Variants in SYK observed in about 807,000 individuals in gnomAD.
SYK encodes the protein spleen associated tyrosine kinase.
SYK carries 16 observed loss-of-function variants against 77.8 expected under a neutral mutation model. That is an observed-to-expected ratio of 0.21 (90% CI 0.14 to 0.31). SYK has a LOEUF of 0.31. Ranked by LOEUF, SYK falls within the 10% of genes least tolerant of loss-of-function variation. The probability of loss-of-function intolerance (pLI) is 1.00; values close to 1 mark genes in which losing one functional copy is unlikely to be tolerated. For missense variants in SYK, 529 were observed against 814.4 expected (o/e 0.65, Z 4.26); for synonymous variants, 312 against 308.7 (o/e 1.01, Z -0.11).
chr9:90,827,936 AC>A (rs1564076255), intron 1 of SYK, among the ~76,000 whole-genome samples: 2 of 151,838 alleles, frequency 1.3e-5, no homozygotes, highest in African/African-American at 4.8e-5. Context: ...GTCCTGAGTC[AC>A]CCACAATTAT....
chr9:90,847,742 C>T (rs1826652619), intron 3 of SYK, among the ~76,000 whole-genome samples: 1 of 152,266 alleles, frequency 6.6e-6, no homozygotes, highest in Non-Finnish European at 1.5e-5. Flanking sequence ...TCCCCAGGCT[C>T]TGCTCCTCTG....
rs752053482 is a variant in SYK, at chr9:90,887,730, C to G, written c.1582-19C>G. 1 of 1,587,192 alleles carries G rather than the reference C, an allele frequency of 6.3e-7. No homozygotes were observed. The highest frequency in any genetic ancestry group is 1.1e-5 in the South Asian group (1 of 88,400). ...CAATTTTATTCTTAATGGAATTTCT[C>G]CCTCTGCTTTGCTTTTAGGCCCAGA... On this transcript the variant is annotated intron_variant, in intron 11 of 13. Coordinates refer to ENST00000375754, the MANE Select transcript of SYK (RefSeq NM_003177.7).
intron 1 of SYK, among the ~76,000 whole-genome samples, chr9:90,809,574 G>A (rs144867246): frequency 6.6e-6 from 1 of 152,318 alleles, no homozygotes; most frequent in Non-Finnish European, 1.5e-5. Flanking sequence ...AACTTGTTTT[G>A]ATCTTTGTGG....
chr9:90,884,859 G>GTACA (rs1184785590), intron 11 of SYK, among the ~76,000 whole-genome samples: 2 of 8,646 alleles, frequency 2.3e-4, no homozygotes, highest in Non-Finnish European at 3.3e-4. Flanking sequence ...ACATATGTGT[G>GTACA]TATATACATA....
intron 1 of SYK, among the ~76,000 whole-genome samples, chr9:90,802,920 T>C (rs935627205): frequency 1.3e-5 from 2 of 151,984 alleles, no homozygotes; most frequent in African/African-American, 4.8e-5. Flanking sequence ...GAAATGGAAT[T>C]GATTCTACCA....
intron 1 of SYK, among the ~76,000 whole-genome samples, chr9:90,802,399 G>T (rs755062017): frequency 2.0e-5 from 3 of 152,194 alleles, no homozygotes; most frequent in Non-Finnish European, 4.4e-5. Flanking sequence ...ACTACAAAAA[G>T]AAACAGCAGT....
chr9:90,801,878 G>GCCTCA lies in SYK; in HGVS notation c.-53_-49dup, dbSNP rs1278375280. On this transcript the variant is annotated 5_prime_UTR_variant, in exon 1 of 14. Transcript: ENST00000375754. ...GTGGCCCCGCGCTGCGCCCGCCCTC[G>GCCTCA]CCTCACCTGGCGCAGGTAGGTGTGG... The GCCTCA allele has an allele frequency of 6.6e-6, 1 of 152,536 alleles. No individual in the cohort carries two copies. Among genetic ancestry groups the GCCTCA allele is most frequent in the Non-Finnish European group, 1.5e-5 (1 of 68,184 alleles). 9.4% of individuals were successfully genotyped at this position (152,536 alleles called of 1,614,324 possible).
At chr9:90,870,564 A>G (rs984445441) in intron 7 of SYK, among the ~76,000 whole-genome samples, 8 of 152,208 alleles carry the variant, frequency 5.3e-5, no homozygotes, top group African/African-American at 1.9e-4. Context: ...CCCTTGAGAA[A>G]ATGTGTTTTC....
intron 1 of SYK, among the ~76,000 whole-genome samples, chr9:90,843,142 G>A (rs1244244572): frequency 6.6e-6 from 1 of 152,168 alleles, no homozygotes; most frequent in Admixed American, 6.5e-5. Flanking sequence ...GGAGAAGCGG[G>A]GAGAAGACAG....
chr9:90,860,693 A>G (rs1827221503), intron 3 of SYK, among the ~76,000 whole-genome samples: 1 of 152,056 alleles, frequency 6.6e-6, no homozygotes, highest in Non-Finnish European at 1.5e-5. Flanking sequence ...GCTAGAAAAG[A>G]CACTTATTCT....
intron 10 of SYK, 77 bp downstream of exon 10, chr9:90,877,857 C>A: frequency 6.6e-7 from 1 of 1,518,062 alleles, no homozygotes; most frequent in Non-Finnish European, 9.0e-7. Flanking sequence ...GCCGAGCAGC[C>A]TGATTTCCTT....
At chr9:90,814,626 C>A (rs1825221597) in intron 1 of SYK, among the ~76,000 whole-genome samples, 1 of 152,274 alleles carries the variant, frequency 6.6e-6, no homozygotes, top group East Asian at 1.9e-4. Context: ...CACTCCTTGC[C>A]TAAGTGCACG....
intron 2 of SYK, among the ~76,000 whole-genome samples, chr9:90,845,144 C>T (rs1415927996): frequency 6.6e-6 from 1 of 152,154 alleles, no homozygotes; most frequent in Non-Finnish European, 1.5e-5. Context: ...CCATGCTGGC[C>T]AGGCTGGTCT....
Position 90,895,524 on chromosome 9 carries a change from C to G in SYK, c.1836-4C>G, listed in dbSNP as rs1828950202. ...CAAACAAGAATGCATCTCTTCCATT[C>G]CAGTGTGGAAAACAGGCCCGGATTC... On this transcript the variant is annotated splice_polypyrimidine_tract_variant and splice_region_variant and intron_variant, in intron 13 of 13. Coordinates refer to ENST00000375754, the MANE Select transcript of SYK (RefSeq NM_003177.7). The surrounding 1 kb of genome is among the most constrained non-coding windows in gnomAD (Gnocchi z 4.4). The G allele has an allele frequency of 6.2e-7, 1 of 1,613,996 alleles. No homozygotes were observed. The highest frequency in any genetic ancestry group is 8.5e-7 in the Non-Finnish European group (1 of 1,179,968).
intron 7 of SYK, 125 bp downstream of exon 7, chr9:90,867,324 C>T: frequency 1.0e-6 from 1 of 980,196 alleles, no homozygotes; most frequent in South Asian, 1.4e-5. Context: ...GCTTCCAGGC[C>T]TCTTTGCCCT....
chr9:90,886,665 A>G (rs1286789387), intron 11 of SYK, among the ~76,000 whole-genome samples: 1 of 152,180 alleles, frequency 6.6e-6, no homozygotes. Context: ...AAATCACACT[A>G]CTGCACACTC....
At chr9:90,869,832 G>A (rs1308638991) in intron 7 of SYK, among the ~76,000 whole-genome samples, 11 of 152,244 alleles carry the variant, frequency 7.2e-5, no homozygotes, top group Admixed American at 7.2e-4. Flanking sequence ...TTACTGCCAA[G>A]CACAGTGGCT....
chr9:90,866,349 G>A (rs1040305890), intron 6 of SYK, among the ~76,000 whole-genome samples: 4 of 152,226 alleles, frequency 2.6e-5, no homozygotes, highest in African/African-American at 9.6e-5. Flanking sequence ...CAGTAGCTGA[G>A]CCCAGGTTGA....
At chr9:90,804,557 T>A (rs1293246165) in intron 1 of SYK, among the ~76,000 whole-genome samples, 1 of 152,198 alleles carries the variant, frequency 6.6e-6, no homozygotes, top group East Asian at 1.9e-4. Flanking sequence ...TTTCCACTAC[T>A]TCTGGATTGG....
Sources: gnomAD v4.1 joint callset for allele counts (sites outside exome capture counted in the v4.1 genomes callset) on GRCh38, gnomAD v4.1.1 for gene constraint, Gnocchi (gnomAD v3.1) non-coding constraint, MANE v1.5 for transcripts, NCBI Gene and HGNC (gene_info 2026-07-23, HGNC 2026-07-21) for gene names.